The following EGFLAM variants were observed in gnomAD, a reference collection of about 807,000 sequenced individuals.
The protein encoded by EGFLAM is pikachurin.
EGFLAM carries 79 observed loss-of-function variants against 113.1 expected under a neutral mutation model. The observed-to-expected ratio is 0.70, with a 90% CI of 0.58 to 0.84. The LOEUF is 0.84. Ranked by LOEUF, EGFLAM falls within the 40% of genes least tolerant of loss-of-function variation. The pLI is 0.00. For synonymous variants in EGFLAM, 504 were observed against 487.6 expected (o/e 1.03, Z -0.44); for missense variants, 1,265 against 1,291.6 (o/e 0.98, Z 0.32).
intron 17 of EGFLAM, chr5:38,445,739 G>C (rs767226792): frequency 6.3e-7 from 1 of 1,594,988 alleles, no homozygotes; most frequent in Non-Finnish European, 8.5e-7. Flanking sequence ...CTGCGAGAGC[G>C]CTCTGGGCTG....
chr5:38,427,051 CT>C lies in EGFLAM; in HGVS notation c.1855del (p.Tyr619ThrfsTer98), dbSNP rs773473096. ...CCTCAGTTCAGAGAGTCTCTGAGAT[CT>C]TACGCTGCAACTCCCTGGCCACTGG... is the stretch of plus-strand genomic sequence containing the variant. ...TIPQFRESLRSYAATPWPLEP... is the reference protein window; with the variant it reads ...TIPQFRESLRXYAATPWPLEP... On this transcript the variant is annotated frameshift_variant, in exon 14 of 22. Transcript: ENST00000322350. LOFTEE classifies it high-confidence loss of function. 1 of 1,614,088 alleles carries C rather than the reference CT, an allele frequency of 6.2e-7. No individual in the cohort carries two copies. The highest frequency in any genetic ancestry group is 1.1e-5 in the South Asian group (1 of 91,074).
chr5:38,463,462 T>C (rs1324082484), intron 21 of EGFLAM, among the ~76,000 whole-genome samples: 1 of 152,224 alleles, frequency 6.6e-6, no homozygotes, highest in Non-Finnish European at 1.5e-5. Flanking sequence ...GTGCATTTGT[T>C]TTGGTTTAAG....
intron 6 of EGFLAM, among the ~76,000 whole-genome samples, chr5:38,396,280 A>G (rs954575263): frequency 6.6e-6 from 1 of 151,162 alleles, no homozygotes; most frequent in Non-Finnish European, 1.5e-5. Flanking sequence ...GAGAGAGAGA[A>G]CCCACCAAAG....
chr5:38,411,094 C>G (rs1579890779), intron 10 of EGFLAM, among the ~76,000 whole-genome samples: 1 of 152,098 alleles, frequency 6.6e-6, no homozygotes, highest in African/African-American at 2.4e-5. Flanking sequence ...ACAAAGAAGG[C>G]TAAATTGCTT....
At chr5:38,269,123 G>A (rs1261378499) in intron 1 of EGFLAM, among the ~76,000 whole-genome samples, 1 of 152,160 alleles carries the variant, frequency 6.6e-6, no homozygotes. Flanking sequence ...AGGCTGCAGT[G>A]CAACATGATC....
intron 18 of EGFLAM, among the ~76,000 whole-genome samples, chr5:38,450,894 G>C (rs1019828146): frequency 6.6e-6 from 1 of 152,244 alleles, no homozygotes; most frequent in African/African-American, 2.4e-5. Flanking sequence ...TCACCGGCCA[G>C]AGCTGGCCAT....
intron 1 of EGFLAM, among the ~76,000 whole-genome samples, chr5:38,269,862 A>T (rs1757726341): frequency 6.6e-6 from 1 of 152,336 alleles, no homozygotes; most frequent in Admixed American, 6.5e-5. Flanking sequence ...CCTACCAGGA[A>T]GTCAGGGCTG....
chr5:38,329,357 A>T (rs1472513622), intron 1 of EGFLAM, among the ~76,000 whole-genome samples: 1 of 152,114 alleles, frequency 6.6e-6, no homozygotes, highest in East Asian at 1.9e-4. Flanking sequence ...TCTGATTTTT[A>T]AAATTCAATT....
chr5:38,419,474 A>G (rs1561081584), intron 12 of EGFLAM, among the ~76,000 whole-genome samples: 1 of 152,200 alleles, frequency 6.6e-6, no homozygotes, highest in African/African-American at 2.4e-5. Context: ...AGTGAACAGC[A>G]TAGTCTCACT....
chr5:38,370,436 G>A lies in EGFLAM; in HGVS notation c.686G>A (p.Trp229Ter), dbSNP rs761755523. The A allele has an allele frequency of 6.2e-6, 10 of 1,614,044 alleles. No individual in the cohort carries two copies. Among genetic ancestry groups the A allele is most frequent in the African/African-American group, 2.7e-5 (2 of 75,040 alleles). Reference sequence around the variant, plus strand: ...TCCCATGGCCCCAGCCCCCGCAGCTGGCCCAGTGACATCATCCGGACCCTC... The same window carrying A: ...TCCCATGGCCCCAGCCCCCGCAGCTAGCCCAGTGACATCATCCGGACCCTC... The part of the protein sequence containing the change: ...MNSHGPSPRS[W>*]PSDIIRTLCP... The change falls in exon 6 of 22, where the codon TGG becomes TAG. Residue 229 changes from tryptophan (W) to a stop codon, truncating the protein, a stop_gained. Coordinates refer to ENST00000322350, the MANE Select transcript of EGFLAM (RefSeq NM_152403.4). LOFTEE classifies it high-confidence loss of function.
At chr5:38,325,990 A>G (rs913307253) in intron 1 of EGFLAM, among the ~76,000 whole-genome samples, 2 of 151,978 alleles carry the variant, frequency 1.3e-5, no homozygotes, top group Non-Finnish European at 2.9e-5. Flanking sequence ...AAATATTACA[A>G]ATATTTATTT....
chr5:38,334,485 T>G (rs144235002), intron 1 of EGFLAM, among the ~76,000 whole-genome samples: 1 of 152,134 alleles, frequency 6.6e-6, no homozygotes, highest in Non-Finnish European at 1.5e-5. Flanking sequence ...ACTAATCCTG[T>G]TCATGAGGGC....
At chr5:38,289,319 C>T (rs1758250963) in intron 1 of EGFLAM, among the ~76,000 whole-genome samples, 1 of 148,970 alleles carries the variant, frequency 6.7e-6, no homozygotes, top group Non-Finnish European at 1.5e-5. Flanking sequence ...ATTCTTTTTA[C>T]TTGAAACCTG....
intron 8 of EGFLAM, 26 bp downstream of exon 8, chr5:38,407,172 G>A: frequency 7.2e-7 from 1 of 1,395,844 alleles, no homozygotes; most frequent in Non-Finnish European, 9.5e-7. Flanking sequence ...AGAGGAAGAA[G>A]TGGTGATGAA....
chr5:38,421,908 T>A (rs1741836129), intron 12 of EGFLAM, among the ~76,000 whole-genome samples: 1 of 152,036 alleles, frequency 6.6e-6, no homozygotes, highest in Admixed American at 6.6e-5. Flanking sequence ...TTTGAGAAGA[T>A]CTTCTGACAG....
intron 4 of EGFLAM, 28 bp from the exon 5 acceptor site, chr5:38,352,168 G>A: frequency 3.1e-6 from 5 of 1,613,672 alleles, no homozygotes; most frequent in African/African-American, 1.3e-5. Flanking sequence ...CACCAGCCTA[G>A]TCTAGTTGTG....
chr5:38,449,655 TATGTGTGTGTGCGCATGC>T (rs1742841553), intron 18 of EGFLAM, among the ~76,000 whole-genome samples: 1 of 151,436 alleles, frequency 6.6e-6, no homozygotes, highest in Admixed American at 6.6e-5. Flanking sequence ...AGTGTGTGTG[TATGTGTGTGTGCGCATGC>T]ATGTGTGTGT....
At chr5:38,301,485 C>T (rs1364372076) in intron 1 of EGFLAM, among the ~76,000 whole-genome samples, 3 of 151,924 alleles carry the variant, frequency 2.0e-5, no homozygotes, top group Non-Finnish European at 2.9e-5. Context: ...GGGGAGGAAT[C>T]GGAGACAGTG....
intron 6 of EGFLAM, among the ~76,000 whole-genome samples, chr5:38,387,937 C>A (rs75871322): frequency 0.034 from 5,236 of 152,202 alleles, 293 homozygotes; most frequent in African/African-American, 0.12. Context: ...CTTTGCCTGA[C>A]CTTATATACA....
Sources: allele counts gnomAD v4.1 joint callset (sites outside exome capture counted in the v4.1 genomes callset), GRCh38; gene constraint gnomAD v4.1.1; transcripts MANE v1.5; gene names NCBI Gene and HGNC (gene_info 2026-07-23, HGNC 2026-07-21).